Variants in SIPA1L2 observed in about 807,000 individuals in gnomAD.
SIPA1L2 encodes the protein signal-induced proliferation-associated 1-like protein 2.
In SIPA1L2, 56 loss-of-function variants were observed where a neutral mutation model predicts 163.9. The observed-to-expected ratio is 0.34, with a 90% CI of 0.28 to 0.43. The LOEUF (loss-of-function observed/expected upper bound fraction) is 0.43, where lower values mean the gene tolerates loss of function less well. Among genes scored for constraint, SIPA1L2 ranks in the 20% least tolerant of loss-of-function variants. The probability of loss-of-function intolerance (pLI) is 1.00; values close to 1 mark genes in which losing one functional copy is unlikely to be tolerated. For missense variants in SIPA1L2, 1,974 were observed against 2,193.5 expected (o/e 0.90, Z 2.00); for synonymous variants, 877 against 865.7 (o/e 1.01, Z -0.23).
chr1:232,503,044 G>C (rs559370224), intron 3 of SIPA1L2, among the ~76,000 whole-genome samples: 1 of 152,118 alleles, frequency 6.6e-6, no homozygotes, highest in East Asian at 1.9e-4. Flanking sequence ...GGCTTCCCAG[G>C]GTTGTGTGCA....
chr1:232,501,923 G>A (rs1472984718), intron 3 of SIPA1L2, among the ~76,000 whole-genome samples: 1 of 141,534 alleles, frequency 7.1e-6, no homozygotes, highest in Non-Finnish European at 1.5e-5. Context: ...GCCTTCCTTC[G>A]GCTGCTTCTC....
chr1:232,593,476 A>T (rs986163522), intron 1 of SIPA1L2, among the ~76,000 whole-genome samples: 3 of 152,314 alleles, frequency 2.0e-5, no homozygotes, highest in Non-Finnish European at 4.4e-5. Context: ...ATCTGGAGAC[A>T]TTACATTTTT....
At chr1:232,457,157 TAATA>T (rs1663966315) in intron 10 of SIPA1L2, among the ~76,000 whole-genome samples, 1 of 150,906 alleles carries the variant, frequency 6.6e-6, no homozygotes, top group Non-Finnish European at 1.5e-5. Flanking sequence ...TTCAACAGAT[TAATA>T]AATACTTTTC....
At chr1:232,464,423 G>A (rs1237066643) in intron 9 of SIPA1L2, among the ~76,000 whole-genome samples, 1 of 152,162 alleles carries the variant, frequency 6.6e-6, no homozygotes, top group Non-Finnish European at 1.5e-5. Context: ...AATAGCTGCT[G>A]TATAAACATG....
In SIPA1L2 at chr1:232,514,910, T is replaced by C. The variant is rs763150268; in HGVS notation, c.430A>G (p.Ile144Val). Residue 144 changes from isoleucine to valine, a missense_variant, in exon 3 of 23, where the codon ATC becomes GTC. Around this residue, in one of 3 missense-constraint regions of SIPA1L2, gnomAD observed 607 missense variants for 624.0 expected, o/e 0.97. Transcript: ENST00000674635. ...CCTCTTTGGGGGGAATGGACAAAGA[T>C]GTCTCCGATTGTGTACTTGGCCTCC... ...FVEAKYTIGD[I>V]FVHSPQRGLH... The C allele has an allele frequency of 2.5e-6, 4 of 1,614,170 alleles. No homozygotes were observed. In the Admixed American group the frequency reaches 6.7e-5, roughly 27 times the overall value.
intron 2 of SIPA1L2, among the ~76,000 whole-genome samples, chr1:232,545,824 A>G (rs971031933): frequency 6.6e-6 from 1 of 152,250 alleles, no homozygotes; most frequent in Non-Finnish European, 1.5e-5. Flanking sequence ...TAATGTATTA[A>G]TAACTTTCCC....
intron 1 of SIPA1L2, among the ~76,000 whole-genome samples, chr1:232,589,576 C>T (rs1021424879): frequency 1.3e-5 from 2 of 152,168 alleles, no homozygotes; most frequent in Non-Finnish European, 2.9e-5. Context: ...TAATTGGTAA[C>T]CTAAGGATAA....
intron 22 of SIPA1L2, 65 bp downstream of exon 22, chr1:232,402,327 T>C: frequency 7.1e-7 from 1 of 1,407,710 alleles, no homozygotes; most frequent in East Asian, 2.3e-5. Context: ...AATTTATCTG[T>C]AGTAGTTATA....
At chr1:232,627,204 G>C (rs7540441) in intron 1 of SIPA1L2, among the ~76,000 whole-genome samples, 38,588 of 152,004 alleles carry the variant, frequency 0.25, 5,188 homozygotes, top group South Asian at 0.35. Flanking sequence ...AAAAAATAAC[G>C]CTGCATTTAC....
chr1:232,616,796 A>G (rs1662523874), intron 1 of SIPA1L2, among the ~76,000 whole-genome samples: 1 of 152,204 alleles, frequency 6.6e-6, no homozygotes, highest in Non-Finnish European at 1.5e-5. Context: ...CAGCTGATGA[A>G]AACGTTTTAG....
At chr1:232,442,272 G>A (rs1299929268) in intron 12 of SIPA1L2, among the ~76,000 whole-genome samples, 2 of 151,236 alleles carry the variant, frequency 1.3e-5, no homozygotes, top group Non-Finnish European at 2.9e-5. Context: ...AAAAAGGGCC[G>A]GGCACGGTGG....
At chr1:232,426,701 T>C (rs989799561) in intron 17 of SIPA1L2, among the ~76,000 whole-genome samples, 1 of 152,130 alleles carries the variant, frequency 6.6e-6, no homozygotes, top group Admixed American at 6.5e-5. Flanking sequence ...TGTATAATTG[T>C]TGAAAATTGA....
chr1:232,465,903 AAGG>A lies in SIPA1L2; in HGVS notation c.2244-490_2244-488del, dbSNP rs1664487533. Among the ~76,000 whole-genome samples the A allele has an allele frequency of 1.3e-5, 2 of 151,740 alleles. No individual in the cohort carries two copies. The highest frequency in any genetic ancestry group is 4.2e-4 in the South Asian group (2 of 4,812). The stretch of plus-strand genomic sequence containing the variant: ...CAGAAAGAAGACCATGTGAAGACAC[AAGG>A]AGAAGACGGCCATCCATAAGCCAAG... On this transcript the variant is annotated intron_variant, in intron 8 of 22. Transcript: ENST00000674635. This position sits in a 1 kb window ranked among gnomAD's most constrained non-coding sequence, Gnocchi z 4.1.
chr1:232,493,810 T>A, intron 3 of SIPA1L2, 150 bp from the exon 4 acceptor site: 1 of 1,039,532 alleles, frequency 9.6e-7, no homozygotes, highest in Non-Finnish European at 1.4e-6. Flanking sequence ...TCAAGTCTTC[T>A]GGTTTCCAGT....
intron 10 of SIPA1L2, among the ~76,000 whole-genome samples, chr1:232,453,663 T>A (rs1385710141): frequency 6.6e-6 from 1 of 151,966 alleles, no homozygotes; most frequent in East Asian, 1.9e-4. Context: ...GTTGGAAAGA[T>A]GATACAGCTA....
chr1:232,401,434 G>A (rs1207539546), intron 22 of SIPA1L2, among the ~76,000 whole-genome samples: 1 of 152,096 alleles, frequency 6.6e-6, no homozygotes, highest in African/African-American at 2.4e-5. Flanking sequence ...ACACGCTGTG[G>A]TGCACCCATA....
chr1:232,408,368 T>C (rs532721987), intron 19 of SIPA1L2, among the ~76,000 whole-genome samples: 9 of 152,268 alleles, frequency 5.9e-5, no homozygotes, highest in African/African-American at 2.2e-4. Flanking sequence ...AATATTTTTC[T>C]ATTGGAAGCT....
intron 19 of SIPA1L2, among the ~76,000 whole-genome samples, chr1:232,412,046 C>T (rs766857883): frequency 1.3e-5 from 2 of 152,134 alleles, no homozygotes; most frequent in East Asian, 1.9e-4. Flanking sequence ...GGTCCTTGCA[C>T]GAATAGAGTT....
At chr1:232,406,805 C>G (rs1436760479) in intron 19 of SIPA1L2, among the ~76,000 whole-genome samples, 2 of 152,182 alleles carry the variant, frequency 1.3e-5, no homozygotes, top group Non-Finnish European at 2.9e-5. Flanking sequence ...CAGATACATG[C>G]CAGATGGAAC....
Sources: allele counts gnomAD v4.1 joint callset (sites outside exome capture counted in the v4.1 genomes callset), GRCh38; gene constraint gnomAD v4.1.1; regional missense constraint gnomAD v4.1.1; non-coding constraint Gnocchi (gnomAD v3.1); transcripts MANE v1.5; gene names NCBI Gene and HGNC (gene_info 2026-07-23, HGNC 2026-07-21).